Variants in NGEF observed in about 807,000 individuals in gnomAD.
NGEF encodes the protein ephexin-1.
A neutral mutation model predicts 80.9 loss-of-function variants in NGEF; 31 were observed. The observed-to-expected ratio is 0.38, with a 90% CI of 0.29 to 0.52. NGEF has a LOEUF of 0.52. NGEF is among the 20% of genes least tolerant of loss of function. The probability of loss-of-function intolerance (pLI) is 0.84; values close to 1 mark genes in which losing one functional copy is unlikely to be tolerated. For synonymous variants in NGEF, 371 were observed against 370.2 expected (o/e 1.00, Z -0.03); for missense variants, 709 against 926.2 (o/e 0.77, Z 3.04).
intron 1 of NGEF, among the ~76,000 whole-genome samples, chr2:232,975,386 G>A (rs1226106237): frequency 4.6e-5 from 7 of 152,164 alleles, no homozygotes; most frequent in Admixed American, 1.3e-4. Flanking sequence ...GTCTCACAAT[G>A]GTAAGTTTAG....
intron 5 of NGEF, chr2:232,901,558 G>A: frequency 2.1e-6 from 1 of 467,842 alleles, no homozygotes; most frequent in Non-Finnish European, 2.8e-6. Flanking sequence ...CCAAAGGCCA[G>A]CAGACCGTGG....
chr2:232,899,261 A>G (rs1199356731), intron 5 of NGEF, among the ~76,000 whole-genome samples: 1 of 136,556 alleles, frequency 7.3e-6, no homozygotes, highest in Non-Finnish European at 1.6e-5. Flanking sequence ...CGTACGTGTC[A>G]CTACAGAAGC....
In NGEF at chr2:232,966,344, C is replaced by T. The variant is rs116297728; in HGVS notation, c.383+3870G>A. The stretch of plus-strand genomic sequence containing the variant: ...TTTTCAAATCAGTTCACAGCTGGCT[C>T]TCTTCCTGGAGACCCACACTTAGCT... On this transcript the variant is annotated intron_variant, in intron 3 of 14. Transcript: ENST00000264051. Among the ~76,000 whole-genome samples, 1,010 of 152,326 alleles carry T rather than the reference C, an allele frequency of 6.6e-3. 18 individuals carry two copies. Among genetic ancestry groups the T allele is most frequent in the African/African-American group, 0.023 (966 of 41,584 alleles).
rs1213795996 is a variant in NGEF at position 232,927,203 on chromosome 2, A to G, written c.384-17T>C. 1 of 1,566,380 alleles carries G rather than the reference A, an allele frequency of 6.4e-7. No individual in the cohort carries two copies. Among genetic ancestry groups the G allele is most frequent in the Non-Finnish European group, 8.6e-7 (1 of 1,160,120 alleles). ...GACGACTCACTGCCAGAGAGGGAGG[A>G]GGACAGGGGCTGGTTATTTTTAAGC... On this transcript the variant is annotated splice_polypyrimidine_tract_variant and intron_variant, in intron 3 of 14. Transcript: ENST00000264051.
intron 3 of NGEF, among the ~76,000 whole-genome samples, chr2:232,942,857 A>G (rs1056284217): frequency 2.9e-5 from 4 of 136,832 alleles, no homozygotes; most frequent in African/African-American, 1.1e-4. Context: ...AAGTAGTACC[A>G]TTATTTTCCG....
intron 1 of NGEF, among the ~76,000 whole-genome samples, chr2:233,006,055 G>C (rs1695077962): frequency 6.6e-6 from 1 of 152,194 alleles, no homozygotes; most frequent in Non-Finnish European, 1.5e-5. Flanking sequence ...GACCTCAAGT[G>C]ATCCGCCCAC....
intron 1 of NGEF, chr2:233,012,483 G>A (rs1311855655): frequency 2.4e-5 from 5 of 207,178 alleles, no homozygotes; most frequent in Non-Finnish European, 4.9e-5. Flanking sequence ...TGCTGGGGGA[G>A]CTAAAGCGCA....
chr2:232,950,956 G>A (rs1477488357), intron 3 of NGEF, among the ~76,000 whole-genome samples: 1 of 152,212 alleles, frequency 6.6e-6, no homozygotes, highest in African/African-American at 2.4e-5. Context: ...TCAATGCGTG[G>A]CTATTAAGCA....
At chr2:232,933,452 C>T (rs1041846899) in intron 3 of NGEF, among the ~76,000 whole-genome samples, 1 of 152,172 alleles carries the variant, frequency 6.6e-6, no homozygotes, top group African/African-American at 2.4e-5. Flanking sequence ...CAAGCAGTCC[C>T]CTTCCCTGGT....
chr2:232,928,218 C>T (rs1574617628), intron 3 of NGEF: 7 of 928,144 alleles, frequency 7.5e-6, no homozygotes, highest in Non-Finnish European at 8.9e-6. Flanking sequence ...GCGGGAGGGG[C>T]GCGCGCGGCG....
chr2:232,993,116 TATAAATAAATATA>T (rs1694686916), intron 1 of NGEF, among the ~76,000 whole-genome samples: 1 of 78,508 alleles, frequency 1.3e-5, no homozygotes, highest in African/African-American at 6.4e-5. Flanking sequence ...AATATATATA[TATAAATAAATATA>T]TATTTATTTA....
chr2:232,903,486 C>T (rs1692414989), intron 5 of NGEF, among the ~76,000 whole-genome samples: 1 of 152,072 alleles, frequency 6.6e-6, no homozygotes, highest in Admixed American at 6.6e-5. Context: ...GACGAGGGAA[C>T]TGGGTGGCCC....
intron 1 of NGEF, among the ~76,000 whole-genome samples, chr2:232,984,059 C>T (rs542403176): frequency 2.0e-5 from 3 of 152,276 alleles, no homozygotes; most frequent in South Asian, 2.1e-4. Context: ...GAAGAGCATG[C>T]GCTTTCCTGA....
At chr2:233,012,572 G>A (rs1341525615) in intron 1 of NGEF, 2 of 266,214 alleles carry the variant, frequency 7.5e-6, no homozygotes, top group Non-Finnish European at 1.5e-5. Context: ...ATGGCACACA[G>A]GAATCAGGGC....
intron 12 of NGEF, among the ~76,000 whole-genome samples, chr2:232,882,842 C>T (rs1374655729): frequency 6.6e-6 from 1 of 152,228 alleles, no homozygotes; most frequent in East Asian, 1.9e-4. Context: ...CATCTCTCCC[C>T]ACATTTAGCT....
At chr2:233,012,653 C>T (rs1695237162) in intron 1 of NGEF, 12 of 353,788 alleles carry the variant, frequency 3.4e-5, no homozygotes, top group South Asian at 2.3e-4. Flanking sequence ...GTCACAGGGC[C>T]CTGTTCTTAG....
At chr2:232,948,302 C>A (rs1693604910) in intron 3 of NGEF, among the ~76,000 whole-genome samples, 1 of 152,072 alleles carries the variant, frequency 6.6e-6, no homozygotes, top group Non-Finnish European at 1.5e-5. Context: ...ATTCTCCTGC[C>A]TCAGACAATC....
intron 1 of NGEF, among the ~76,000 whole-genome samples, chr2:233,005,103 G>A (rs775937793): frequency 2.0e-5 from 3 of 152,092 alleles, no homozygotes; most frequent in African/African-American, 4.8e-5. Flanking sequence ...ATTGGGTCTC[G>A]TTGTCCTCGA....
At chr2:232,932,264 A>G (rs1693231423) in intron 3 of NGEF, among the ~76,000 whole-genome samples, 1 of 147,164 alleles carries the variant, frequency 6.8e-6, no homozygotes, top group Non-Finnish European at 1.5e-5. Context: ...TCCTGGGTTC[A>G]AGTGATTCTC....
Sources: gnomAD v4.1 joint callset for allele counts (sites outside exome capture counted in the v4.1 genomes callset) on GRCh38, gnomAD v4.1.1 for gene constraint, MANE v1.5 for transcripts, NCBI Gene and HGNC (gene_info 2026-07-23, HGNC 2026-07-21) for gene names.